Variants in CHRM3 observed in about 807,000 individuals in gnomAD.
CHRM3 encodes the protein cholinergic receptor muscarinic 3.
A neutral mutation model predicts 41.8 loss-of-function variants in CHRM3; 11 were observed. The observed-to-expected ratio is 0.26, with a 90% CI of 0.17 to 0.44. The LOEUF is 0.44. CHRM3 is among the 20% of genes least tolerant of loss of function. CHRM3 has a pLI of 1.00. For missense variants in CHRM3, 571 were observed against 745.4 expected (o/e 0.77, Z 2.72); for synonymous variants, 297 against 301.4 (o/e 0.99, Z 0.15).
Position 239,614,444 on chromosome 1 carries a change from G to A in CHRM3, c.-312-17780G>A, listed in dbSNP as rs140867103. ...AACAAATAAAAACATCAGTTACATCGTATTACCAAGAGAACAACCCAAAGA... is the reference window on the plus strand; with the variant it reads ...AACAAATAAAAACATCAGTTACATCATATTACCAAGAGAACAACCCAAAGA... On this transcript the variant is annotated intron_variant, in intron 3 of 6. Transcript: ENST00000676153. 6.7e-3 allele frequency among the ~76,000 whole-genome samples: 1,025 copies of A among 152,108 alleles called. 13 individuals are homozygous for A. The highest frequency in any genetic ancestry group is 0.024 in the African/African-American group (978 of 41,472).
At chr1:239,498,830 C>A (rs1227962319) in intron 2 of CHRM3, among the ~76,000 whole-genome samples, 2 of 152,120 alleles carry the variant, frequency 1.3e-5, no homozygotes, top group African/African-American at 4.8e-5. Context: ...AGATTCTGGG[C>A]ATTTGCAAGT....
chr1:239,543,961 C>G (rs929719852), intron 2 of CHRM3, among the ~76,000 whole-genome samples: 5 of 152,160 alleles, frequency 3.3e-5, no homozygotes, highest in African/African-American at 1.2e-4. Context: ...TCCAATAAAA[C>G]TTTATTTATA....
chr1:239,660,293 T>G (rs1673072443), intron 4 of CHRM3, among the ~76,000 whole-genome samples: 1 of 152,162 alleles, frequency 6.6e-6, no homozygotes, highest in Non-Finnish European at 1.5e-5. Context: ...CTAACTCTCT[T>G]TTTTAATCAA....
intron 5 of CHRM3, among the ~76,000 whole-genome samples, chr1:239,787,314 C>T (rs183540633): frequency 1.9e-3 from 285 of 152,254 alleles, no homozygotes; most frequent in Admixed American, 3.1e-3. Context: ...TTGAGGTTAG[C>T]TCTGGATTCA....
intron 3 of CHRM3, among the ~76,000 whole-genome samples, chr1:239,575,055 T>C (rs1174010111): frequency 6.6e-6 from 1 of 152,226 alleles, no homozygotes; most frequent in African/African-American, 2.4e-5. Context: ...CTGATTCTGA[T>C]GTAAAAATAA....
intron 1 of CHRM3, among the ~76,000 whole-genome samples, chr1:239,436,210 T>C (rs1663254439): frequency 6.6e-6 from 1 of 152,190 alleles, no homozygotes; most frequent in Non-Finnish European, 1.5e-5. Context: ...AGGCTTTCCC[T>C]GAAGTCTTCC....
chr1:239,879,325 T>TCTG (rs1677391350), intron 6 of CHRM3, among the ~76,000 whole-genome samples: 1 of 152,120 alleles, frequency 6.6e-6, no homozygotes, highest in Non-Finnish European at 1.5e-5. Flanking sequence ...CCCAGGAGAT[T>TCTG]CTGCTGCTGC....
intron 5 of CHRM3, among the ~76,000 whole-genome samples, chr1:239,742,008 G>T (rs1465895877): frequency 1.3e-5 from 2 of 151,876 alleles, no homozygotes; most frequent in Non-Finnish European, 2.9e-5. Flanking sequence ...TGTCCTCTCA[G>T]TCCCCTTTGT....
At chr1:239,705,889 G>A (rs1661114364) in intron 5 of CHRM3, among the ~76,000 whole-genome samples, 1 of 151,918 alleles carries the variant, frequency 6.6e-6, no homozygotes, top group Non-Finnish European at 1.5e-5. Context: ...GGAATACTAA[G>A]TAAGCTTTTA....
At position 239,808,558 on chromosome 1, in the gene CHRM3, CT is replaced by C. The variant is rs1670849063; in HGVS notation, c.-146-18692del. On this transcript the variant is annotated intron_variant, in intron 5 of 6. Coordinates refer to ENST00000676153, the MANE Select transcript of CHRM3 (RefSeq NM_001375978.1). ...TCTAACGGAATAAAGATGAGAGTCT[CT>C]TATTTGCCACCTAAAATGCCTAGCG... 2.0e-5 allele frequency among the ~76,000 whole-genome samples: 3 copies of C among 152,168 alleles called. No homozygotes were observed. The South Asian group carries it at 6.2e-4, about 32-fold the overall frequency.
chr1:239,689,187 A>T (rs1383199667), intron 5 of CHRM3, among the ~76,000 whole-genome samples: 1 of 152,044 alleles, frequency 6.6e-6, no homozygotes, highest in Non-Finnish European at 1.5e-5. Context: ...CAATTAGAGT[A>T]AAAATGTGAT....
At chr1:239,447,162 C>T (rs1281742372) in intron 1 of CHRM3, among the ~76,000 whole-genome samples, 2 of 152,044 alleles carry the variant, frequency 1.3e-5, no homozygotes, top group African/African-American at 2.4e-5. Context: ...CAAATATTCA[C>T]CAAAGTATTT....
At chr1:239,885,174 C>A (rs1321597711) in intron 6 of CHRM3, among the ~76,000 whole-genome samples, 1 of 152,088 alleles carries the variant, frequency 6.6e-6, no homozygotes, top group African/African-American at 2.4e-5. Context: ...CCAAACTACC[C>A]AGTCTATGAT....
chr1:239,688,097 G>A (rs1282051645), intron 5 of CHRM3, among the ~76,000 whole-genome samples: 1 of 151,620 alleles, frequency 6.6e-6, no homozygotes, highest in South Asian at 2.1e-4. Context: ...TGGGAGTTTT[G>A]ATACTTTGTT....
At position 239,677,422 on chromosome 1, in the gene CHRM3, C is replaced by A. The variant is rs186817724; in HGVS notation, c.-249-764C>A. ...ATTAGGGGGAACTCATACCTAGTTG[C>A]GTCTTTTTTTGTGCTGCTATAACAA... On this transcript the variant is annotated intron_variant, in intron 4 of 6. Coordinates refer to ENST00000676153, the MANE Select transcript of CHRM3 (RefSeq NM_001375978.1). Among the ~76,000 whole-genome samples, 55 of 152,282 alleles carry A rather than the reference C, an allele frequency of 3.6e-4. No individual in the cohort carries two copies. In the East Asian group the frequency reaches 8.7e-3, roughly 24 times the overall value.
At chr1:239,753,498 A>G (rs1410203425) in intron 5 of CHRM3, among the ~76,000 whole-genome samples, 1 of 152,116 alleles carries the variant, frequency 6.6e-6, no homozygotes, top group Non-Finnish European at 1.5e-5. Flanking sequence ...GATAAGGGGG[A>G]ATCGCCACAC....
At chr1:239,900,613 G>T (rs934429616) in intron 6 of CHRM3, among the ~76,000 whole-genome samples, 1 of 152,002 alleles carries the variant, frequency 6.6e-6, no homozygotes, top group Non-Finnish European at 1.5e-5. Flanking sequence ...GTACAGCCTT[G>T]ATATGAATAG....
At chr1:239,815,589 T>A (rs559728176) in intron 5 of CHRM3, among the ~76,000 whole-genome samples, 19 of 152,154 alleles carry the variant, frequency 1.2e-4, no homozygotes, top group Non-Finnish European at 1.3e-4. Context: ...AAAAGTAATT[T>A]GAAAATTTGA....
intron 5 of CHRM3, among the ~76,000 whole-genome samples, chr1:239,686,234 A>G (rs146826444): frequency 8.7e-4 from 132 of 152,280 alleles, no homozygotes; most frequent in African/African-American, 3.1e-3. Flanking sequence ...CATGGTGCCT[A>G]TAGGCGCTTT....
Sources: gnomAD v4.1 joint callset for allele counts (sites outside exome capture counted in the v4.1 genomes callset) on GRCh38, gnomAD v4.1.1 for gene constraint, MANE v1.5 for transcripts, NCBI Gene and HGNC (gene_info 2026-07-23, HGNC 2026-07-21) for gene names.